MAP2K6: variants seen among roughly 807,000 people sequenced by gnomAD.
The protein encoded by MAP2K6 is dual specificity mitogen-activated protein kinase kinase 6.
Under a neutral mutation model 53.7 loss-of-function variants are expected in MAP2K6, and 16 were observed. That is an observed-to-expected ratio of 0.30 (90% CI 0.20 to 0.45). The LOEUF is 0.45. Ranked by LOEUF, MAP2K6 falls within the 20% of genes least tolerant of loss-of-function variation. The pLI, the probability that MAP2K6 is intolerant of heterozygous loss-of-function variation, is 1.00. For synonymous variants in MAP2K6, 132 were observed against 143.1 expected (o/e 0.92, Z 0.55); for missense variants, 204 against 411.9 (o/e 0.50, Z 4.37).
At chr17:69,489,566 A>G (rs1477788152) in intron 1 of MAP2K6, among the ~76,000 whole-genome samples, 2 of 152,218 alleles carry the variant, frequency 1.3e-5, no homozygotes, top group African/African-American at 4.8e-5. Flanking sequence ...TTATTTCTTC[A>G]GGAGTTAAAA....
chr17:69,447,784 C>T (rs1294643646), intron 1 of MAP2K6, among the ~76,000 whole-genome samples: 1 of 152,086 alleles, frequency 6.6e-6, no homozygotes, highest in East Asian at 1.9e-4. Context: ...CATTAGTGGG[C>T]CAGGGAAGAG....
At chr17:69,530,291 G>A (rs1036472868) in intron 10 of MAP2K6, among the ~76,000 whole-genome samples, 8 of 151,606 alleles carry the variant, frequency 5.3e-5, no homozygotes, top group Non-Finnish European at 2.9e-5. Context: ...CTCCAGCCTG[G>A]GTGACAGAGC....
At chr17:69,483,003 G>A (rs1908402150) in intron 1 of MAP2K6, among the ~76,000 whole-genome samples, 1 of 151,834 alleles carries the variant, frequency 6.6e-6, no homozygotes, top group African/African-American at 2.4e-5. Context: ...ATGAGGGCTT[G>A]GCAGGAGTCA....
At position 69,546,291 on chromosome 17, in the gene MAP2K6, C is replaced by T. The variant is rs977165885; in HGVS notation, c.*4538C>T. On this transcript the variant is annotated 3_prime_UTR_variant, in exon 12 of 12. Coordinates refer to ENST00000590474, the MANE Select transcript of MAP2K6 (RefSeq NM_002758.4). Reference sequence around the variant, plus strand: ...AACCCTACTCTTCTTTGCTGTTCATCAGCCCTGCAATGCCGTAGTGTCTTA... The same window carrying T: ...AACCCTACTCTTCTTTGCTGTTCATTAGCCCTGCAATGCCGTAGTGTCTTA... The T allele has an allele frequency of 6.6e-6, 1 of 152,138 alleles. No homozygotes were observed. Among genetic ancestry groups the T allele is most frequent in the Non-Finnish European group, 1.5e-5 (1 of 68,030 alleles). The allele number at this position is 152,138 out of a possible 1,614,324, so 9.4% of individuals were successfully genotyped here.
At chr17:69,427,927 C>T (rs1323401780) in intron 1 of MAP2K6, among the ~76,000 whole-genome samples, 1 of 152,200 alleles carries the variant, frequency 6.6e-6, no homozygotes, top group African/African-American at 2.4e-5. Context: ...TGTTTTCCAT[C>T]CCGAGTTTCA....
intron 7 of MAP2K6, 134 bp downstream of exon 7, chr17:69,521,234 T>C: frequency 3.0e-6 from 2 of 663,012 alleles, no homozygotes; most frequent in Non-Finnish European, 5.2e-6. Context: ...GGGCTTTCCT[T>C]TGAGATTGGA....
chr17:69,461,453 C>G (rs1907619757), intron 1 of MAP2K6, among the ~76,000 whole-genome samples: 1 of 152,202 alleles, frequency 6.6e-6, no homozygotes, highest in African/African-American at 2.4e-5. Context: ...GCAGCCAACT[C>G]TGTGGGAGTT....
chr17:69,516,494 C>T (rs1910149294), intron 2 of MAP2K6, among the ~76,000 whole-genome samples: 1 of 152,084 alleles, frequency 6.6e-6, no homozygotes, highest in Admixed American at 6.6e-5. Flanking sequence ...GGGTTGGGCA[C>T]CCTAATCTAT....
intron 1 of MAP2K6, among the ~76,000 whole-genome samples, chr17:69,428,140 T>G (rs1362571256): frequency 6.6e-6 from 1 of 152,204 alleles, no homozygotes; most frequent in African/African-American, 2.4e-5. Context: ...GAAGCTCATA[T>G]TCTAGTGGGA....
intron 1 of MAP2K6, among the ~76,000 whole-genome samples, chr17:69,483,531 T>C (rs1567834598): frequency 2.0e-5 from 3 of 152,076 alleles, no homozygotes; most frequent in Admixed American, 1.3e-4. Flanking sequence ...AGTTTCCAAA[T>C]TGATCTGAAG....
At chr17:69,483,839 G>A (rs946907189) in intron 1 of MAP2K6, among the ~76,000 whole-genome samples, 1 of 152,056 alleles carries the variant, frequency 6.6e-6, no homozygotes, top group African/African-American at 2.4e-5. Context: ...AGACAATTCA[G>A]GGGGAAAGGA....
At position 69,552,656 on chromosome 17, in the gene MAP2K6, G is replaced by A. The variant is rs1006872594; in HGVS notation, c.*10903G>A. 6.6e-6 allele frequency: 1 copy of A among 152,112 alleles called. No individual in the cohort carries two copies. Among genetic ancestry groups the A allele is most frequent in the Non-Finnish European group, 1.5e-5 (1 of 68,040 alleles). The allele number at this position is 152,112 out of a possible 1,614,324, so 9.4% of individuals were successfully genotyped here. On this transcript the variant is annotated 3_prime_UTR_variant, in exon 12 of 12. Coordinates refer to ENST00000590474, the MANE Select transcript of MAP2K6 (RefSeq NM_002758.4). ...CTGAAGAAGGAAAGAAGGAGTTGGG[G>A]GTGTATATCTAACTGTGTTTTTCTA...
intron 1 of MAP2K6, among the ~76,000 whole-genome samples, chr17:69,483,636 A>AT (rs1396294254): frequency 1.3e-5 from 2 of 152,100 alleles, no homozygotes; most frequent in African/African-American, 4.8e-5. Flanking sequence ...AGGCCTCAGA[A>AT]TAGCCAAAAC....
chr17:69,503,422 C>T (rs1461724360), intron 1 of MAP2K6, among the ~76,000 whole-genome samples: 3 of 152,204 alleles, frequency 2.0e-5, no homozygotes, highest in Non-Finnish European at 4.4e-5. Flanking sequence ...AATTTAGTAA[C>T]ATCCTTAACA....
At chr17:69,532,294 C>A (rs1911126020) in intron 10 of MAP2K6, among the ~76,000 whole-genome samples, 1 of 152,180 alleles carries the variant, frequency 6.6e-6, no homozygotes, top group African/African-American at 2.4e-5. Context: ...GTGGATGTAC[C>A]AAATAGCCCT....
At chr17:69,518,379 A>G (rs942184041) in intron 4 of MAP2K6, among the ~76,000 whole-genome samples, 4 of 152,144 alleles carry the variant, frequency 2.6e-5, no homozygotes, top group African/African-American at 9.7e-5. Context: ...CTTTTATTCT[A>G]TATTTTGTTG....
intron 1 of MAP2K6, among the ~76,000 whole-genome samples, chr17:69,420,292 G>A (rs924010718): frequency 6.6e-6 from 1 of 152,118 alleles, no homozygotes; most frequent in Non-Finnish European, 1.5e-5. Context: ...ATAGCACCTG[G>A]TTGTGTTATA....
At chr17:69,426,204 T>G (rs574434208) in intron 1 of MAP2K6, among the ~76,000 whole-genome samples, 1 of 152,264 alleles carries the variant, frequency 6.6e-6, no homozygotes, top group African/African-American at 2.4e-5. Context: ...TCTATTGTTA[T>G]GTTTAAGACA....
intron 1 of MAP2K6, among the ~76,000 whole-genome samples, chr17:69,495,746 T>G (rs1010849119): frequency 9.9e-5 from 15 of 152,236 alleles, no homozygotes; most frequent in Non-Finnish European, 2.1e-4. Flanking sequence ...AAAATACTTA[T>G]TTTTTAAAAC....
Sources: gnomAD v4.1 joint callset for allele counts (sites outside exome capture counted in the v4.1 genomes callset) on GRCh38, gnomAD v4.1.1 for gene constraint, MANE v1.5 for transcripts, NCBI Gene and HGNC (gene_info 2026-07-23, HGNC 2026-07-21) for gene names.